WDR12: variants seen among roughly 807,000 people sequenced by gnomAD.
WDR12 encodes the protein WD repeat domain 12.
A neutral mutation model predicts 64.3 loss-of-function variants in WDR12; 42 were observed. The ratio of observed to expected loss-of-function variants is 0.65; its 90% CI spans 0.51 to 0.84. The LOEUF (loss-of-function observed/expected upper bound fraction) is 0.84. Among genes scored for constraint, WDR12 ranks in the 40% least tolerant of loss-of-function variants. WDR12 has a pLI of 0.00. For synonymous variants in WDR12, 158 were observed against 173.3 expected (o/e 0.91, Z 0.70); for missense variants, 469 against 494.6 (o/e 0.95, Z 0.49).
At chr2:202,883,336 A>C (rs760274485) in intron 11 of WDR12, 3 of 284,144 alleles carry the variant, frequency 1.1e-5, no homozygotes, top group Non-Finnish European at 2.0e-5. Context: ...GAGTTTCACC[A>C]TGTTGGCCAG....
intron 5 of WDR12, 83 bp downstream of exon 5, chr2:202,897,217 C>G: frequency 1.1e-6 from 1 of 870,030 alleles, no homozygotes. Context: ...CCCACCCACT[C>G]CCCATTCTTC....
intron 2 of WDR12, among the ~76,000 whole-genome samples, chr2:202,903,446 TGGAAGGAAGGAAGGAAGGAAGGAAGGAA>T (rs150739013): frequency 0.1 from 10,039 of 97,242 alleles, 641 homozygotes; most frequent in Admixed American, 0.13. Flanking sequence ...AGCAATCAGA[TGGAAGGAAGGAAGGAAGGAAGGAAGGAA>T]GGAAGGAAGG....
In WDR12 at chr2:202,890,996, TAAAA is replaced by T. The variant is rs71030997; in HGVS notation, c.741+1617_741+1620del. On this transcript the variant is annotated intron_variant, in intron 8 of 12. Transcript: ENST00000261015. Reference sequence around the variant, plus strand: ...GCAACAGAGCAAGACTTTGTCTCTTTAAAAAAAAAAAAAAAAAAAAAGAGAATAA... The same window carrying T: ...GCAACAGAGCAAGACTTTGTCTCTTTAAAAAAAAAAAAAAAAAGAGAATAA... Among the ~76,000 whole-genome samples, 414 of 111,158 alleles carry T rather than the reference TAAAA, an allele frequency of 3.7e-3. 3 individuals are homozygous for T. Among genetic ancestry groups the T allele is most frequent in the African/African-American group, 0.014 (397 of 29,096 alleles). The allele number at this position is 111,158 out of a possible 152,430, so 72.9% of individuals were successfully genotyped here. A position where few individuals can be genotyped will look rare whatever the true frequency, so the allele number is the denominator to read the frequency against.
chr2:202,886,767 C>CAAA (rs60735682), intron 8 of WDR12, among the ~76,000 whole-genome samples: 19 of 78,878 alleles, frequency 2.4e-4, no homozygotes, highest in East Asian at 9.9e-4. Context: ...AACTCCATCT[C>CAAA]AAAAAAAAAA....
rs888558421 is a variant in WDR12 at position 202,876,478 on chromosome 2, C to A, written c.*4382G>T. 3 of 152,192 alleles carry A rather than the reference C, an allele frequency of 2.0e-5. No individual in the cohort carries two copies. The allele number at this position is 152,192 out of a possible 1,614,324, so 9.4% of individuals were successfully genotyped here. A position where few individuals can be genotyped will look rare whatever the true frequency, so the allele number is the denominator to read the frequency against. On this transcript the variant is annotated 3_prime_UTR_variant, in exon 13 of 13. Coordinates refer to ENST00000261015, the MANE Select transcript of WDR12 (RefSeq NM_018256.4). Reference sequence around the variant, plus strand: ...ATGTTCTTGCTGTTTCTACACCTGGCAGTTTCTGGCTAGTAAAATCTGGAT... The same window carrying A: ...ATGTTCTTGCTGTTTCTACACCTGGAAGTTTCTGGCTAGTAAAATCTGGAT...
rs1168513905 is a variant in WDR12 at position 202,892,606 on chromosome 2, C to A, written c.741+11G>T. On this transcript the variant is annotated intron_variant, in intron 8 of 12. Transcript: ENST00000261015. Reference sequence around the variant, plus strand: ...CTAAGGCAAGTACAGTCAGTTCTCACAAATACTGACCCTTGTTAGTCCCAA... The same window carrying A: ...CTAAGGCAAGTACAGTCAGTTCTCAAAAATACTGACCCTTGTTAGTCCCAA... 1.2e-6 allele frequency: 2 copies of A among 1,605,438 alleles called. No individual in the cohort carries two copies. Among genetic ancestry groups the A allele is most frequent in the Non-Finnish European group, 1.7e-6 (2 of 1,173,162 alleles).
chr2:202,881,299 C>G (rs1469050457), intron 12 of WDR12, among the ~76,000 whole-genome samples: 2 of 152,068 alleles, frequency 1.3e-5, no homozygotes, highest in Non-Finnish European at 2.9e-5. Context: ...ATTCAAGTAG[C>G]CCTAGGCCTT....
At chr2:202,886,767 CAAAAAA>C (rs60735682) in intron 8 of WDR12, among the ~76,000 whole-genome samples, 2 of 79,058 alleles carry the variant, frequency 2.5e-5, no homozygotes, top group Non-Finnish European at 4.6e-5. Flanking sequence ...AACTCCATCT[CAAAAAA>C]AAAAAAAAAA....
intron 5 of WDR12, among the ~76,000 whole-genome samples, chr2:202,897,058 A>G (rs922798988): frequency 4.6e-5 from 7 of 152,206 alleles, no homozygotes. Flanking sequence ...AATGTAATAC[A>G]TTCAATATTA....
At chr2:202,904,695 T>G (rs1688422884) in intron 2 of WDR12, among the ~76,000 whole-genome samples, 1 of 152,158 alleles carries the variant, frequency 6.6e-6, no homozygotes, top group Non-Finnish European at 1.5e-5. Flanking sequence ...GACTTAAATA[T>G]TTGTAAGACC....
chr2:202,884,505 C>T lies in WDR12; in HGVS notation c.772G>A (p.Glu258Lys), dbSNP rs1171364392. Residue 258 changes from glutamate (E) to lysine (K), a missense_variant, in exon 9 of 13, where the codon GAG (glutamate) becomes AAG (lysine). Physicochemically the swap from Glu to Lys is moderately conservative, Grantham distance 56. Coordinates refer to ENST00000261015, the MANE Select transcript of WDR12 (RefSeq NM_018256.4). ...GACCACAGAACTGAGGAAACTGCCT[C>T]CATGTGGCCAGAGAGGGTCACTATG... ...TPIVTLSGHMEAVSSVLWSDA... is the reference protein window; with the variant it reads ...TPIVTLSGHMKAVSSVLWSDA... 1.2e-6 allele frequency: 2 copies of T among 1,613,990 alleles called. No individual in the cohort carries two copies. The highest frequency in any genetic ancestry group is 1.6e-4 in the Middle Eastern group (1 of 6,082).
At chr2:202,906,606 G>A (rs909788031) in intron 2 of WDR12, among the ~76,000 whole-genome samples, 3 of 152,166 alleles carry the variant, frequency 2.0e-5, no homozygotes, top group Non-Finnish European at 2.9e-5. Context: ...GCTCACACAT[G>A]TAATCCCAGC....
intron 5 of WDR12, among the ~76,000 whole-genome samples, chr2:202,897,080 T>C: frequency 6.6e-6 from 1 of 152,320 alleles, no homozygotes; most frequent in East Asian, 1.9e-4. Flanking sequence ...CTTGAAAATG[T>C]ATATTATCTG....
rs547901524 is a variant in WDR12, at chr2:202,899,655, C to T, written c.232-18G>A. The T allele has an allele frequency of 1.2e-6, 2 of 1,606,528 alleles. No homozygotes were observed. Among genetic ancestry groups the T allele is most frequent in the South Asian group, 1.1e-5 (1 of 90,318 alleles). On this transcript the variant is annotated intron_variant, in intron 3 of 12. Transcript: ENST00000261015. ...ACTTCTTCCTAATCACAAGAGAAAC[C>T]AGCAACAAGTCAGGTGGTCTAGTTT...
At chr2:202,900,874 C>T in intron 3 of WDR12, 151 bp downstream of exon 3, 1 of 517,942 alleles carries the variant, frequency 1.9e-6, no homozygotes, top group Non-Finnish European at 3.3e-6. Flanking sequence ...AAAATATACA[C>T]ACAATACATA....
intron 8 of WDR12, among the ~76,000 whole-genome samples, chr2:202,886,953 G>A (rs1688059137): frequency 6.6e-6 from 1 of 152,088 alleles, no homozygotes; most frequent in African/African-American, 2.4e-5. Flanking sequence ...TCAGCCTTTG[G>A]AGACCATACA....
intron 2 of WDR12, among the ~76,000 whole-genome samples, chr2:202,902,722 G>A (rs1182590535): frequency 3.3e-5 from 5 of 152,134 alleles, no homozygotes; most frequent in Admixed American, 1.3e-4. Flanking sequence ...TTTGGGACTC[G>A]GACTGGCCTC....
rs541694225 is a variant in WDR12 at position 202,896,985 on chromosome 2, A to AAAAAC, written c.454+310_454+314dup. ...CTGGGTGACACAGCGAGACTATCTC[A>AAAAAC]AAAACAAAACAAAACAAAACAAAAC... On this transcript the variant is annotated intron_variant, in intron 5 of 12. Transcript: ENST00000261015. 6.0e-3 allele frequency among the ~76,000 whole-genome samples: 911 copies of AAAAAC among 152,206 alleles called. 3 individuals are homozygous for AAAAAC. Among genetic ancestry groups the AAAAAC allele is most frequent in the East Asian group, 0.015 (79 of 5,188 alleles).
chr2:202,904,462 C>A (rs1344942629), intron 2 of WDR12, among the ~76,000 whole-genome samples: 1 of 152,044 alleles, frequency 6.6e-6, no homozygotes, highest in Admixed American at 6.5e-5. Context: ...CTATAGTAAC[C>A]AAAACAGCAT....
Sources: allele counts gnomAD v4.1 joint callset (sites outside exome capture counted in the v4.1 genomes callset), GRCh38; gene constraint gnomAD v4.1.1; transcripts MANE v1.5; gene names NCBI Gene and HGNC (gene_info 2026-07-23, HGNC 2026-07-21).